GRIP1: variants seen among roughly 807,000 people sequenced by gnomAD.
GRIP1 encodes glutamate receptor interacting protein 1.
GRIP1 carries 45 observed loss-of-function variants against 129.9 expected under a neutral mutation model. The ratio of observed to expected loss-of-function variants is 0.35; its 90% CI spans 0.27 to 0.44. The LOEUF (loss-of-function observed/expected upper bound fraction) is 0.44. Ranked by LOEUF, GRIP1 falls within the 20% of genes least tolerant of loss-of-function variation. The pLI, the probability that GRIP1 is intolerant of heterozygous loss-of-function variation, is 1.00. For synonymous variants in GRIP1, 530 were observed against 520.8 expected (o/e 1.02, Z -0.24); for missense variants, 1,196 against 1,396.8 (o/e 0.86, Z 2.29).
At chr12:66,577,878 C>A (rs2870852) in intron 2 of GRIP1, among the ~76,000 whole-genome samples, 37,256 of 152,078 alleles carry the variant, frequency 0.24, 4,702 homozygotes, top group Admixed American at 0.28. Context: ...GACTTGAGCC[C>A]AGGAGGTAAA....
At chr12:66,878,402 C>G (rs10467150) in intron 1 of GRIP1, among the ~76,000 whole-genome samples, 14,772 of 151,776 alleles carry the variant, frequency 0.097, 936 homozygotes, top group East Asian at 0.26. Flanking sequence ...CTTTCATAAG[C>G]AGAAATGAGT....
At chr12:66,663,449 G>A (rs2033626357) in intron 1 of GRIP1, among the ~76,000 whole-genome samples, 1 of 152,108 alleles carries the variant, frequency 6.6e-6, no homozygotes, top group Non-Finnish European at 1.5e-5. Flanking sequence ...AGTAATAGCT[G>A]CCTTTTAAAT....
chr12:66,754,811 A>G (rs1484727419), intron 1 of GRIP1, among the ~76,000 whole-genome samples: 1 of 152,122 alleles, frequency 6.6e-6, no homozygotes, highest in African/African-American at 2.4e-5. Flanking sequence ...GCCTCTAAAA[A>G]TAACTGCATG....
At chr12:66,678,595 G>A (rs2034447218) in intron 1 of GRIP1, among the ~76,000 whole-genome samples, 1 of 151,686 alleles carries the variant, frequency 6.6e-6, no homozygotes. Context: ...TCTCTTTTCA[G>A]CAAAGAATGA....
chr12:66,630,127 G>GA, intron 1 of GRIP1: 1 of 152,408 alleles, frequency 6.6e-6, no homozygotes, highest in Middle Eastern at 3.4e-3. Flanking sequence ...GAGACAGGCA[G>GA]ATCACTGGAG....
rs58362219 is a variant in GRIP1 at position 66,796,327 on chromosome 12, T to TAA, written c.-420+7724_-420+7725dup. ...TCCTAGGAAAAAATGGATTCGGAAT[T>TAA]AAAAAAAAAAACTGATTTAACAAAT... is the stretch of plus-strand genomic sequence containing the variant. On this transcript the variant is annotated intron_variant, in intron 1 of 4. Coordinates refer to the GRIP1 transcript ENST00000538373. Among the ~76,000 whole-genome samples, 227 of 147,746 alleles carry TAA rather than the reference T, an allele frequency of 1.5e-3. 1 individual carries two copies. The highest frequency in any genetic ancestry group is 4.8e-3 in the African/African-American group (195 of 40,520).
rs368888815 is a variant in GRIP1, at chr12:66,541,928, G to C, written c.159C>G (p.Val53=). ...SIPEEFKGST[V]VELMKKEGTT... ...TGCCTTCCTTCTTCATCAGCTCGAC[G>C]ACTGTGGAGCCCTTGAATTCCTCTG... Residue 53 remains valine (V), a synonymous_variant, in exon 3 of 25, where the codon GTC becomes GTG. Transcript: ENST00000359742. 1.9e-6 allele frequency: 3 copies of C among 1,613,712 alleles called. No individual in the cohort carries two copies. Among genetic ancestry groups the C allele is most frequent in the Non-Finnish European group, 2.5e-6 (3 of 1,179,666 alleles).
intron 1 of GRIP1, among the ~76,000 whole-genome samples, chr12:67,066,443 T>C (rs1316356146): frequency 6.6e-6 from 1 of 152,094 alleles, no homozygotes; most frequent in African/African-American, 2.4e-5. Flanking sequence ...ATGAAAAAAA[T>C]GTTATGCTAG....
rs4488287 is a variant in GRIP1, at chr12:66,721,550, A to G, written c.-420+82503T>C. Among the ~76,000 whole-genome samples the G allele has an allele frequency of 8.1e-3, 1,239 of 152,090 alleles. 15 individuals are homozygous for G. The highest frequency in any genetic ancestry group is 0.028 in the African/African-American group (1,145 of 41,422). On this transcript the variant is annotated intron_variant, in intron 1 of 4. Transcript: ENST00000538373. Reference sequence around the variant, plus strand: ...TCAGCCTTCCAAAGTGCTGGAATTTAGCATAATTCTTAAGGACCCTATGAT... The same window carrying G: ...TCAGCCTTCCAAAGTGCTGGAATTTGGCATAATTCTTAAGGACCCTATGAT...
At chr12:66,974,464 G>A (rs1159296890) in intron 1 of GRIP1, among the ~76,000 whole-genome samples, 2 of 152,044 alleles carry the variant, frequency 1.3e-5, no homozygotes, top group African/African-American at 2.4e-5. Flanking sequence ...CTAGAACACT[G>A]CCTAGCATTC....
Position 66,455,440 on chromosome 12 carries a change from C to T in GRIP1, c.1323G>A (p.Arg441=), listed in dbSNP as rs1451321786. 1 of 1,614,136 alleles carries T rather than the reference C, an allele frequency of 6.2e-7. No homozygotes were observed. Among genetic ancestry groups the T allele is most frequent in the Non-Finnish European group, 8.5e-7 (1 of 1,179,978 alleles). ...STSPRGTMMR[R]RLKKKDFKSS... is the part of the protein sequence containing the mutation. ...TTTTGAAGTCTTTCTTTTTCAGTCT[C>T]CTCCTCATCATGGTTCCACGTGGGC... The change falls in exon 11 of 25, where the codon AGG becomes AGA. Residue 441 remains arginine, a synonymous_variant. Coordinates refer to ENST00000359742, the MANE Select transcript of GRIP1 (RefSeq NM_001366722.1).
chr12:66,601,189 C>G (rs7953062), intron 1 of GRIP1, among the ~76,000 whole-genome samples: 51,168 of 152,084 alleles, frequency 0.34, 8,910 homozygotes, highest in Non-Finnish European at 0.37. Flanking sequence ...CCAGTCTCCT[C>G]ATGTGCCAAA....
At chr12:66,463,869 A>G (rs904439710) in intron 8 of GRIP1, among the ~76,000 whole-genome samples, 5 of 152,098 alleles carry the variant, frequency 3.3e-5, no homozygotes, top group African/African-American at 1.2e-4. Context: ...TAAACTGGTT[A>G]CCCCCTGTGG....
chr12:66,542,183 C>CCATA (rs1565844632), intron 2 of GRIP1, among the ~76,000 whole-genome samples: 2 of 151,592 alleles, frequency 1.3e-5, no homozygotes, highest in African/African-American at 4.9e-5. Context: ...TCCAGGTTGA[C>CCATA]AATAGTCCAA....
intron 1 of GRIP1, among the ~76,000 whole-genome samples, chr12:66,797,999 T>C (rs1219686669): frequency 2.0e-5 from 3 of 152,128 alleles, no homozygotes; most frequent in Non-Finnish European, 4.4e-5. Context: ...CAATCAATAA[T>C]GACAGAACTG....
In GRIP1 at chr12:66,722,201, A is replaced by G. The variant is rs146364729; in HGVS notation, c.-420+81852T>C. ...CTTTCAGCCTATCTTGGCTTACAAC[A>G]TGCCTTCCTCAATAAGCTTAATCAT... is the stretch of plus-strand genomic sequence containing the variant. On this transcript the variant is annotated intron_variant, in intron 1 of 4. Transcript: ENST00000538373. Among the ~76,000 whole-genome samples the G allele has an allele frequency of 6.8e-3, 1,038 of 152,286 alleles. 6 individuals carry two copies. Among genetic ancestry groups the G allele is most frequent in the Non-Finnish European group, 0.011 (719 of 68,028 alleles).
At chr12:66,662,145 T>C (rs1264872678) in intron 1 of GRIP1, among the ~76,000 whole-genome samples, 2 of 152,138 alleles carry the variant, frequency 1.3e-5, no homozygotes, top group Non-Finnish European at 2.9e-5. Context: ...TTCAGATGAG[T>C]AACCCAGGTT....
intron 1 of GRIP1, among the ~76,000 whole-genome samples, chr12:66,818,737 T>C (rs2039268513): frequency 1.3e-5 from 2 of 152,164 alleles, no homozygotes. Context: ...GCAAAGAATA[T>C]ACTACTACTA....
At chr12:66,891,382 A>G (rs2040655499) in intron 1 of GRIP1, among the ~76,000 whole-genome samples, 1 of 152,184 alleles carries the variant, frequency 6.6e-6, no homozygotes, top group Non-Finnish European at 1.5e-5. Flanking sequence ...GAAAATGTTC[A>G]TATCTGGCCA....
Sources: allele counts gnomAD v4.1 joint callset (sites outside exome capture counted in the v4.1 genomes callset), GRCh38; gene constraint gnomAD v4.1.1; transcripts MANE v1.5; gene names NCBI Gene and HGNC (gene_info 2026-07-23, HGNC 2026-07-21).